The following CLEC4C variants were observed in gnomAD, a reference collection of about 807,000 sequenced individuals.
CLEC4C encodes C-type lectin domain family 4 member C.
Under a neutral mutation model 27.7 loss-of-function variants are expected in CLEC4C, and 17 were observed. That is an observed-to-expected ratio of 0.61 (90% CI 0.42 to 0.92). The LOEUF is 0.92. Among genes scored for constraint, CLEC4C ranks in the 40% least tolerant of loss-of-function variants. The probability of loss-of-function intolerance (pLI) is 0.00; values close to 1 mark genes in which losing one functional copy is unlikely to be tolerated. For synonymous variants in CLEC4C, 80 were observed against 80.8 expected, an observed-to-expected ratio of 0.99 and a Z score of 0.06; for missense variants, 244 against 257.3, an observed-to-expected ratio of 0.95 and a Z score of 0.35.
At position 7,737,463 on chromosome 12, in the gene CLEC4C, G is replaced by A. The variant is rs1555104990; in HGVS notation, c.347C>T (p.Ala116Val). Residue 116 changes from alanine to valine, a missense_variant, in exon 4 of 6, where the codon GCT (alanine) becomes GTT (valine). By Grantham distance (64) the Ala-to-Val change is moderately conservative. Transcript: ENST00000360345. ...KSQKNCSVMGADLVVINTREE... is the reference protein window; with the variant it reads ...KSQKNCSVMGVDLVVINTREE... Reference sequence around the variant, plus strand: ...CCTGGTGTTGATCACCACCAGATCAGCCCCCATCACAGAACAGTTCTTTTG... The same window carrying A: ...CCTGGTGTTGATCACCACCAGATCAACCCCCATCACAGAACAGTTCTTTTG... The A allele has an allele frequency of 1.2e-6, 2 of 1,613,810 alleles. No individual in the cohort carries two copies. The highest frequency in any genetic ancestry group is 3.3e-5 in the Admixed American group (2 of 59,948).
intron 2 of CLEC4C, 35 bp downstream of exon 2, chr12:7,746,296 A>T (rs991404599): frequency 4.2e-6 from 5 of 1,190,176 alleles, no homozygotes; most frequent in Non-Finnish European, 6.2e-6. Context: ...TGGGAAAAGG[A>T]CCAAGAGATG....
In CLEC4C at chr12:7,729,412, A is replaced by G; in HGVS notation, c.*184T>C. 1 of 167,368 alleles carries G rather than the reference A, an allele frequency of 6.0e-6. No individual in the cohort carries two copies. The highest frequency in any genetic ancestry group is 1.1e-4 in the East Asian group (1 of 9,448). The allele number at this position is 167,368 out of a possible 1,614,324, so 10.4% of individuals were successfully genotyped here. A position where few individuals can be genotyped will look rare whatever the true frequency, so the allele number is the denominator to read the frequency against. On this transcript the variant is annotated 3_prime_UTR_variant, in exon 6 of 6. Transcript: ENST00000360345. ...CACTAAACACTCATTTTATGAATGA[A>G]TAAATGAATAAATGAATAAATGAAT...
At chr12:7,732,515 C>A (rs1864619965) in intron 4 of CLEC4C, among the ~76,000 whole-genome samples, 1 of 149,222 alleles carries the variant, frequency 6.7e-6, no homozygotes. Flanking sequence ...CCATGCCCAG[C>A]TAATTTTTTT....
upstream of CLEC4C, chr12:7,747,464 T>A: frequency 9.9e-7 from 1 of 1,005,080 alleles, no homozygotes; most frequent in Non-Finnish European, 1.6e-6. Flanking sequence ...GCCAAGCCCT[T>A]AGATCCTTCT....
At chr12:7,742,826 T>C (rs1489563228) in intron 2 of CLEC4C, among the ~76,000 whole-genome samples, 3 of 89,920 alleles carry the variant, frequency 3.3e-5, no homozygotes, top group African/African-American at 9.5e-5. Flanking sequence ...AATAAATAAA[T>C]AAATAAATAA....
chr12:7,743,734 G>C (rs1864912480), intron 2 of CLEC4C, among the ~76,000 whole-genome samples: 1 of 152,062 alleles, frequency 6.6e-6, no homozygotes, highest in Admixed American at 6.6e-5. Context: ...TATTTTCTCT[G>C]AATTTATGTC....
intron 3 of CLEC4C, among the ~76,000 whole-genome samples, chr12:7,739,122 T>C (rs1256268218): frequency 3.4e-5 from 5 of 147,994 alleles, no homozygotes; most frequent in Non-Finnish European, 7.5e-5. Flanking sequence ...TATTTCATTC[T>C]TTTTTTTTGA....
chr12:7,732,494 C>T lies in CLEC4C; in HGVS notation c.382-1582G>A, dbSNP rs746827774. ...AGGCTCCAGAGTAGCTGGGATTACA[C>T]GCACGAGCCACCATGCCCAGCTAAT... On this transcript the variant is annotated intron_variant, in intron 4 of 5. Coordinates refer to ENST00000360345, the MANE Select transcript of CLEC4C (RefSeq NM_001371390.1). 1.2e-4 allele frequency among the ~76,000 whole-genome samples: 18 copies of T among 150,988 alleles called. 1 individual carries two copies. The highest frequency in any genetic ancestry group is 2.9e-4 in the African/African-American group (12 of 40,984).
At position 7,741,464 on chromosome 12, in the gene CLEC4C, A is replaced by T. The variant is rs1864853399; in HGVS notation, c.192T>A (p.Tyr64Ter). ...CCATGACGCAGGTCAGGCTTGGATG[A>T]TACTGTTGATACTCTCGTAACTTGG... ...RLSKLREYQQ[Y>*]HPSLTCVMEG... Residue 64 changes from tyrosine (Y) to a stop codon, truncating the protein, a stop_gained, in exon 3 of 6, where the codon TAT (tyrosine) becomes TAA (stop). Transcript: ENST00000360345. LOFTEE classifies it high-confidence loss of function. The T allele has an allele frequency of 1.2e-6, 2 of 1,612,528 alleles. No homozygotes were observed. Among genetic ancestry groups the T allele is most frequent in the African/African-American group, 2.7e-5 (2 of 74,902 alleles).
chr12:7,733,827 C>T lies in CLEC4C; in HGVS notation c.382-2915G>A, dbSNP rs142158533. Among the ~76,000 whole-genome samples, 919 of 151,798 alleles carry T rather than the reference C, an allele frequency of 6.1e-3. 17 individuals are homozygous for T. The highest frequency in any genetic ancestry group is 0.02 in the African/African-American group (835 of 41,290). On this transcript the variant is annotated intron_variant, in intron 4 of 5. Transcript: ENST00000360345. ...TGGCCTCAAGTGATCTGCCCACCTT[C>T]GCCTCCCAACATGCTGAGATTACAG...
At chr12:7,746,181 T>A (rs572905572) in intron 2 of CLEC4C, 150 bp downstream of exon 2, 109 of 551,428 alleles carry the variant, frequency 2.0e-4, no homozygotes, top group Non-Finnish European at 3.7e-5. Flanking sequence ...GCCACTGCAC[T>A]CCATCCTGGG....
intron 4 of CLEC4C, among the ~76,000 whole-genome samples, chr12:7,732,010 T>A (rs997668778): frequency 6.6e-6 from 1 of 152,024 alleles, no homozygotes; most frequent in African/African-American, 2.4e-5. Context: ...GCATGAACAC[T>A]CCAAATGCTT....
At position 7,730,879 on chromosome 12, in the gene CLEC4C, A is replaced by C; in HGVS notation, c.415T>G (p.Ser139Ala). ...FIIQNLKRNSSYFLGLSDPGG... is the reference protein window; with the variant it reads ...FIIQNLKRNSAYFLGLSDPGG... ...GGATCTGACAGCCCCAGAAAATAAG[A>C]AGAATTTCTTTTCAGATTCTGAATG... The change falls in exon 5 of 6, where the codon TCT becomes GCT. Residue 139 changes from serine to alanine, a missense_variant. Transcript: ENST00000360345. 1.2e-6 allele frequency: 2 copies of C among 1,606,128 alleles called. No homozygotes were observed. The highest frequency in any genetic ancestry group is 1.7e-6 in the Non-Finnish European group (2 of 1,173,038).
chr12:7,744,673 G>C (rs1435494134), intron 2 of CLEC4C, among the ~76,000 whole-genome samples: 2 of 151,980 alleles, frequency 1.3e-5, no homozygotes, highest in Non-Finnish European at 2.9e-5. Flanking sequence ...GGATTGCAGT[G>C]GTACGATTAT....
intron 2 of CLEC4C, among the ~76,000 whole-genome samples, chr12:7,743,185 T>C (rs1407260020): frequency 1.3e-5 from 2 of 152,156 alleles, no homozygotes; most frequent in African/African-American, 4.8e-5. Context: ...AATCCTGAAA[T>C]ATCACAGGTC....
chr12:7,735,150 G>A (rs1170054782), intron 4 of CLEC4C, among the ~76,000 whole-genome samples: 1 of 151,064 alleles, frequency 6.6e-6, no homozygotes, highest in African/African-American at 2.4e-5. Context: ...GCAGTGAGCC[G>A]AGATCACACC....
At position 7,747,051 on chromosome 12, in the gene CLEC4C, T is replaced by C. The variant is rs7962808; in HGVS notation, c.31+267A>G. On this transcript the variant is annotated intron_variant, in intron 1 of 5. Coordinates refer to ENST00000360345, the MANE Select transcript of CLEC4C (RefSeq NM_001371390.1). ...GTTGGTCAGGCTGGTCTCGAACTCC[T>C]GACCTCAGGTGCTCTGCCCACCTCG... is the stretch of plus-strand genomic sequence containing the variant. 5.8e-3 allele frequency among the ~76,000 whole-genome samples: 881 copies of C among 152,314 alleles called. 7 individuals are homozygous for C. The highest frequency in any genetic ancestry group is 0.02 in the African/African-American group (823 of 41,582).
At chr12:7,730,402 A>T (rs1864569065) in intron 5 of CLEC4C, among the ~76,000 whole-genome samples, 1 of 152,192 alleles carries the variant, frequency 6.6e-6, no homozygotes, top group Non-Finnish European at 1.5e-5. Flanking sequence ...GCACTTTGGG[A>T]GGCCAAGGCA....
At chr12:7,729,873 G>T in intron 5 of CLEC4C, 133 bp from the exon 6 acceptor site, 1 of 739,480 alleles carries the variant, frequency 1.4e-6, no homozygotes, top group Non-Finnish European at 2.2e-6. Flanking sequence ...CACTTCTGCT[G>T]CCACGTTTTG....
Sources: allele counts gnomAD v4.1 joint callset (sites outside exome capture counted in the v4.1 genomes callset), GRCh38; gene constraint gnomAD v4.1.1; transcripts MANE v1.5; gene names NCBI Gene and HGNC (gene_info 2026-07-23, HGNC 2026-07-21).